PHIP: variants seen among roughly 807,000 people sequenced by gnomAD.
PHIP encodes PH-interacting protein.
In PHIP, 54 loss-of-function variants were observed where a neutral mutation model predicts 236.8. The observed-to-expected ratio is 0.23, with a 90% CI of 0.18 to 0.29. The LOEUF (loss-of-function observed/expected upper bound fraction) is 0.29. PHIP is among the 10% of genes least tolerant of loss of function. PHIP has a pLI of 1.00. For synonymous variants in PHIP, 756 were observed against 718.9 expected (o/e 1.05, Z -0.83); for missense variants, 1,370 against 2,190.8 (o/e 0.63, Z 7.48).
At chr6:78,949,434 C>G (rs1317539858) in intron 35 of PHIP, among the ~76,000 whole-genome samples, 2 of 152,110 alleles carry the variant, frequency 1.3e-5, no homozygotes, top group African/African-American at 4.8e-5. Context: ...CAGTATTTCC[C>G]TGTTTTAAAT....
At chr6:79,058,011 C>T (rs1357402504) in intron 6 of PHIP, among the ~76,000 whole-genome samples, 1 of 151,834 alleles carries the variant, frequency 6.6e-6, no homozygotes, top group African/African-American at 2.4e-5. Flanking sequence ...GCAGTGCTTT[C>T]AAAAAATATA....
chr6:78,978,494 A>G, intron 24 of PHIP, 98 bp downstream of exon 24: 1 of 925,144 alleles, frequency 1.1e-6, no homozygotes, highest in South Asian at 2.2e-5. Flanking sequence ...GATACTTTAC[A>G]AAACTGCTTC....
chr6:79,023,405 A>G (rs1771230450), intron 9 of PHIP, among the ~76,000 whole-genome samples: 1 of 152,146 alleles, frequency 6.6e-6, no homozygotes. Context: ...CAGCCAGAGT[A>G]CTCATTCTTA....
Position 79,060,536 on chromosome 6 carries a change from C to G in PHIP, c.381G>C (p.Ala127=). The G allele has an allele frequency of 6.2e-7, 1 of 1,613,876 alleles. No individual in the cohort carries two copies. The highest frequency in any genetic ancestry group is 8.5e-7 in the Non-Finnish European group (1 of 1,179,844). The change falls in exon 6 of 40, where the codon GCG becomes GCC. Residue 127 remains alanine (A), a synonymous_variant. Transcript: ENST00000275034. The part of the protein sequence containing the change: ...HVVWKGSALA[A]LHCGRPPESP... ...ACTCAGGTGGTCTTCCACAGTGCAA[C>G]GCAGCCAGAGCAGATCCTTTCCACA...
At chr6:78,964,394 C>T (rs1766993170) in intron 29 of PHIP, among the ~76,000 whole-genome samples, 3 of 152,100 alleles carry the variant, frequency 2.0e-5, no homozygotes, top group African/African-American at 7.2e-5. Flanking sequence ...TACTGAGCAA[C>T]TCAATTAATA....
chr6:78,988,168 G>A, intron 21 of PHIP, 41 bp downstream of exon 21: 1 of 1,395,980 alleles, frequency 7.2e-7, no homozygotes, highest in Non-Finnish European at 9.7e-7. Context: ...AAAAAAATAA[G>A]TAAAAATGAC....
At chr6:79,014,039 T>A (rs9359362) in intron 15 of PHIP, among the ~76,000 whole-genome samples, 1 of 136,314 alleles carries the variant, frequency 7.3e-6, no homozygotes, top group East Asian at 2.0e-4. Context: ...ACCAAATAAT[T>A]AACACTGTTT....
chr6:78,977,416 C>G (rs897350999), intron 24 of PHIP, among the ~76,000 whole-genome samples: 10 of 152,148 alleles, frequency 6.6e-5, no homozygotes, highest in Non-Finnish European at 1.2e-4. Flanking sequence ...GGGAGATATA[C>G]CTAATGCTAG....
chr6:79,049,479 GA>G (rs1410689296), intron 6 of PHIP, among the ~76,000 whole-genome samples: 3 of 152,156 alleles, frequency 2.0e-5, no homozygotes, highest in African/African-American at 7.2e-5. Context: ...CTACAGAAAT[GA>G]TTCCTAAATT....
At chr6:79,051,344 A>G (rs959574889) in intron 6 of PHIP, among the ~76,000 whole-genome samples, 1 of 152,172 alleles carries the variant, frequency 6.6e-6, no homozygotes, top group African/African-American at 2.4e-5. Context: ...CTGGGTTGCA[A>G]TATAAAAAGA....
At chr6:79,004,279 C>A in intron 15 of PHIP, 1 of 391,306 alleles carries the variant, frequency 2.6e-6, no homozygotes, top group Non-Finnish European at 3.5e-6. Context: ...TCAAATGACA[C>A]TAGATTTTAT....
chr6:79,036,536 A>G (rs1171601284), intron 7 of PHIP, among the ~76,000 whole-genome samples: 2 of 152,186 alleles, frequency 1.3e-5, no homozygotes, highest in Non-Finnish European at 2.9e-5. Context: ...AATGTTTCCC[A>G]TATCTCCATT....
Position 79,078,122 on chromosome 6 carries a change from C to T in PHIP, c.-54G>A, listed in dbSNP as rs1381847570. On this transcript the variant is annotated 5_prime_UTR_variant, in exon 1 of 40. Coordinates refer to ENST00000275034, the MANE Select transcript of PHIP (RefSeq NM_017934.7). Reference sequence around the variant, plus strand: ...GGGACACCCCGCCGCCGAGGGGAAGCGGGGACGGTGCCGCCGCCTGCCCTA... The same window carrying T: ...GGGACACCCCGCCGCCGAGGGGAAGTGGGGACGGTGCCGCCGCCTGCCCTA... The T allele has an allele frequency of 4.4e-6, 7 of 1,587,866 alleles. No individual in the cohort carries two copies. Among genetic ancestry groups the T allele is most frequent in the East Asian group, 2.3e-5 (1 of 44,104 alleles).
intron 17 of PHIP, 117 bp from the exon 18 acceptor site, chr6:78,998,508 T>A: frequency 3.0e-6 from 2 of 664,376 alleles, no homozygotes; most frequent in Non-Finnish European, 5.0e-6. Context: ...GTAAAAGACT[T>A]AAATGATCAA....
intron 9 of PHIP, among the ~76,000 whole-genome samples, chr6:79,019,405 G>GTCACACCAGACA (rs2127743639): frequency 6.6e-6 from 1 of 152,110 alleles, no homozygotes; most frequent in East Asian, 1.9e-4. Flanking sequence ...CAAATTCACT[G>GTCACACCAGACA]TCACACCAGA....
At chr6:79,036,459 A>G (rs1333597115) in intron 7 of PHIP, among the ~76,000 whole-genome samples, 1 of 152,156 alleles carries the variant, frequency 6.6e-6, no homozygotes, top group Non-Finnish European at 1.5e-5. Context: ...TATTGCTTCT[A>G]AACAACCTCC....
chr6:79,041,693 G>A (rs1027153102), intron 7 of PHIP, among the ~76,000 whole-genome samples: 5 of 152,178 alleles, frequency 3.3e-5, no homozygotes, highest in East Asian at 1.9e-4. Flanking sequence ...CTGTAGGTAT[G>A]TCAGGCACTT....
At chr6:79,076,531 A>G in intron 4 of PHIP, among the ~76,000 whole-genome samples, 1 of 152,224 alleles carries the variant, frequency 6.6e-6, no homozygotes, top group Middle Eastern at 3.2e-3. Flanking sequence ...CTGAAGTGAT[A>G]AATCCACTTC....
rs751291229 is a variant in PHIP at position 78,946,014 on chromosome 6, T to A, written c.4617A>T (p.Ile1539=). 46 of 1,606,756 alleles carry A rather than the reference T, an allele frequency of 2.9e-5. No individual in the cohort carries two copies. The highest frequency in any genetic ancestry group is 3.8e-5 in the Non-Finnish European group (45 of 1,173,578). The change falls in exon 38 of 40, where the codon ATA becomes ATT. Residue 1539 remains isoleucine, a synonymous_variant. Transcript: ENST00000275034. The part of the protein sequence containing the change: ...TFITKANASA[I]PGKTILENSV... Reference sequence around the variant, plus strand: ...AGTGAGTCTTACTTGTTTTCCCTGGTATTGCAGATGCATTAGCTTTTGTAA... The same window carrying A: ...AGTGAGTCTTACTTGTTTTCCCTGGAATTGCAGATGCATTAGCTTTTGTAA...
Sources: gnomAD v4.1 joint callset for allele counts (sites outside exome capture counted in the v4.1 genomes callset) on GRCh38, gnomAD v4.1.1 for gene constraint, MANE v1.5 for transcripts, NCBI Gene and HGNC (gene_info 2026-07-23, HGNC 2026-07-21) for gene names.